EHBP1: variants seen among roughly 807,000 people sequenced by gnomAD.
EHBP1 encodes the protein EH domain-binding protein 1.
In EHBP1, 55 loss-of-function variants were observed where a neutral mutation model predicts 144.0. The ratio of observed to expected loss-of-function variants is 0.38; its 90% CI spans 0.31 to 0.48. EHBP1 has a LOEUF of 0.48. Among genes scored for constraint, EHBP1 ranks in the 20% least tolerant of loss-of-function variants. The probability of loss-of-function intolerance (pLI) is 0.98; values close to 1 mark genes in which losing one functional copy is unlikely to be tolerated. For synonymous variants in EHBP1, 469 were observed against 472.7 expected (o/e 0.99, Z 0.10); for missense variants, 1,200 against 1,364.2 (o/e 0.88, Z 1.90).
upstream of EHBP1, among the ~76,000 whole-genome samples, chr2:62,705,082 CTA>C (rs1264898702): frequency 6.6e-6 from 1 of 152,120 alleles, no homozygotes; most frequent in Non-Finnish European, 1.5e-5. Context: ...CCAGTTGACT[CTA>C]TGTTGGGCGG....
intron 19 of EHBP1, among the ~76,000 whole-genome samples, chr2:63,008,021 A>T (rs1161762993): frequency 6.6e-6 from 1 of 151,722 alleles, no homozygotes; most frequent in Non-Finnish European, 1.5e-5. Context: ...AAGCATTCTT[A>T]AACAATTGGA....
intron 1 of EHBP1, among the ~76,000 whole-genome samples, chr2:62,685,624 C>T (rs2151737050): frequency 6.6e-6 from 1 of 152,262 alleles, no homozygotes; most frequent in South Asian, 2.1e-4. Flanking sequence ...CTCTGAGGTA[C>T]TAGGGATTAG....
At chr2:62,960,559 C>T (rs923200695) in intron 14 of EHBP1, among the ~76,000 whole-genome samples, 4 of 152,084 alleles carry the variant, frequency 2.6e-5, no homozygotes, top group Non-Finnish European at 5.9e-5. Context: ...CAACTGTGAA[C>T]TATTTCAAAG....
rs1440231346 is a variant in EHBP1, at chr2:62,990,735, G to A, written c.2628G>A (p.Val876=). 4 of 1,613,672 alleles carry A rather than the reference G, an allele frequency of 2.5e-6. No individual in the cohort carries two copies. The highest frequency in any genetic ancestry group is 3.3e-5 in the Admixed American group (2 of 59,972). ...TAACAGAACAAAACAGTAAGTTGGT[G>A]GACTTGAAGCTGAAGAAGCTCCTAG... ...KASGEQNSKL[V]DLKLKKLLEV... Residue 876 remains valine, a synonymous_variant, in exon 16 of 23, where the codon GTG becomes GTA. Coordinates refer to ENST00000431489, the MANE Select transcript of EHBP1 (RefSeq NM_001142616.3).
chr2:62,676,845 T>C (rs1274706523), intron 1 of EHBP1, among the ~76,000 whole-genome samples: 1 of 152,188 alleles, frequency 6.6e-6, no homozygotes, highest in Admixed American at 6.5e-5. Context: ...GTTCTTAACA[T>C]GAGCATAAGG....
At chr2:62,739,445 A>C (rs1027382562) in intron 2 of EHBP1, among the ~76,000 whole-genome samples, 1 of 151,664 alleles carries the variant, frequency 6.6e-6, no homozygotes, top group Non-Finnish European at 1.5e-5. Context: ...TAACCTGGGC[A>C]TACAAATATT....
intron 10 of EHBP1, among the ~76,000 whole-genome samples, chr2:62,890,398 A>T (rs1304956562): frequency 6.6e-6 from 1 of 152,074 alleles, no homozygotes; most frequent in Non-Finnish European, 1.5e-5. Context: ...ATTTGTTTGT[A>T]TCATCTCTGA....
chr2:62,714,471 G>C (rs1204348876), intron 2 of EHBP1, among the ~76,000 whole-genome samples: 1 of 152,192 alleles, frequency 6.6e-6, no homozygotes. Flanking sequence ...TGAGGTCTGT[G>C]TCTGTGTAAA....
At chr2:63,002,762 C>A (rs2059899851) in intron 19 of EHBP1, among the ~76,000 whole-genome samples, 1 of 152,038 alleles carries the variant, frequency 6.6e-6, no homozygotes. Context: ...TGATGACCAA[C>A]ATTAACTGAT....
chr2:62,740,715 G>A (rs1398672136), intron 2 of EHBP1, among the ~76,000 whole-genome samples: 1 of 151,986 alleles, frequency 6.6e-6, no homozygotes, highest in African/African-American at 2.4e-5. Flanking sequence ...AGACAAATGT[G>A]TTGTACTTTT....
intron 8 of EHBP1, among the ~76,000 whole-genome samples, chr2:62,860,744 A>G (rs528326354): frequency 6.6e-4 from 101 of 152,304 alleles, no homozygotes; most frequent in Middle Eastern, 3.4e-3. Context: ...TGAACTTTCT[A>G]TTTTAAAATC....
Position 62,762,821 on chromosome 2 carries a change from C to T in EHBP1, c.163-1445C>T, listed in dbSNP as rs567136555. Among the ~76,000 whole-genome samples the T allele has an allele frequency of 1.1e-4, 17 of 152,250 alleles. No individual in the cohort carries two copies. In the South Asian group the frequency reaches 3.3e-3, roughly 30 times the overall value. ...TTGGAACCTGTTCTCAAAACATTAGCCAATATAAGCCTGTTGAAATATATT... is the reference window on the plus strand; with the variant it reads ...TTGGAACCTGTTCTCAAAACATTAGTCAATATAAGCCTGTTGAAATATATT... On this transcript the variant is annotated intron_variant, in intron 3 of 22. Transcript: ENST00000431489.
chr2:62,696,417 G>A (rs2034094349), intron 1 of EHBP1, among the ~76,000 whole-genome samples: 1 of 150,468 alleles, frequency 6.6e-6, no homozygotes, highest in African/African-American at 2.4e-5. Context: ...AAAATGCTAG[G>A]ATAACAGGGG....
chr2:62,869,623 T>C (rs2050305720), intron 9 of EHBP1, among the ~76,000 whole-genome samples: 1 of 152,152 alleles, frequency 6.6e-6, no homozygotes, highest in Non-Finnish European at 1.5e-5. Context: ...CAATCAGAGC[T>C]GGAGGGAGGA....
chr2:62,703,180 C>T (rs889531430), upstream of EHBP1, among the ~76,000 whole-genome samples: 1 of 151,656 alleles, frequency 6.6e-6, no homozygotes, highest in African/African-American at 2.4e-5. Flanking sequence ...AAAAATTAGC[C>T]TATCAGTTAA....
At chr2:62,784,302 A>C (rs186198495) in intron 5 of EHBP1, among the ~76,000 whole-genome samples, 4 of 152,294 alleles carry the variant, frequency 2.6e-5, no homozygotes, top group Admixed American at 1.3e-4. Context: ...GAATTTTTTT[A>C]TAAAGGAGAC....
chr2:62,712,642 T>C (rs2035261292), intron 2 of EHBP1, among the ~76,000 whole-genome samples: 1 of 152,048 alleles, frequency 6.6e-6, no homozygotes, highest in Non-Finnish European at 1.5e-5. Flanking sequence ...GTGGTTTTAG[T>C]GATGAACCAT....
At chr2:62,837,827 C>G (rs1011538044) in intron 7 of EHBP1, among the ~76,000 whole-genome samples, 2 of 151,780 alleles carry the variant, frequency 1.3e-5, no homozygotes, top group Non-Finnish European at 1.5e-5. Flanking sequence ...CGGGAGCACC[C>G]AGATTCATAA....
At chr2:62,914,389 T>C (rs2054449969) in intron 10 of EHBP1, among the ~76,000 whole-genome samples, 1 of 152,118 alleles carries the variant, frequency 6.6e-6, no homozygotes, top group Admixed American at 6.5e-5. Flanking sequence ...AAAACAGGAA[T>C]TCTGTGAAGC....
Sources: gnomAD v4.1 joint callset for allele counts (sites outside exome capture counted in the v4.1 genomes callset) on GRCh38, gnomAD v4.1.1 for gene constraint, MANE v1.5 for transcripts, NCBI Gene and HGNC (gene_info 2026-07-23, HGNC 2026-07-21) for gene names.